Variants in TMEM25 observed in about 807,000 individuals in gnomAD.
TMEM25 encodes the protein transmembrane protein 25, also known as 0610039J01Rik.
TMEM25 carries 36 observed loss-of-function variants against 37.0 expected under a neutral mutation model. The observed-to-expected ratio is 0.97, with a 90% CI of 0.75 to 1.28. The LOEUF is 1.28. Among genes scored for constraint, TMEM25 ranks in the 50% most tolerant of loss-of-function variants. TMEM25 has a pLI of 0.00. For synonymous variants in TMEM25, 197 were observed against 203.7 expected (o/e 0.97, Z 0.28); for missense variants, 444 against 477.9 (o/e 0.93, Z 0.66).
At position 118,534,667 on chromosome 11, in the gene TMEM25, G is replaced by A. The variant is rs1951457654; in HGVS notation, c.*87G>A. The stretch of plus-strand genomic sequence containing the variant: ...TCCTCTACCTAGCTAGGTCACCAAC[G>A]TGAAGAAGTTATGCCACTGCCACTT... On this transcript the variant is annotated 3_prime_UTR_variant, in exon 9 of 9. Transcript: ENST00000313236. The surrounding 1 kb of genome is among the most constrained non-coding windows in gnomAD (Gnocchi z 4.6). 8.9e-6 allele frequency: 14 copies of A among 1,564,548 alleles called. No homozygotes were observed. The highest frequency in any genetic ancestry group is 1.2e-5 in the South Asian group (1 of 85,900).
exon 9 of TMEM25, chr11:118,546,444 T>C (rs782701772): frequency 6.5e-5 from 25 of 385,688 alleles, no homozygotes; most frequent in Middle Eastern, 1.6e-3. Context: ...TGAGCTGAGA[T>C]TGAGCTACTG....
At chr11:118,546,059 T>C (rs1055341728) in intron 8 of TMEM25, 12 of 713,410 alleles carry the variant, frequency 1.7e-5, no homozygotes, top group Non-Finnish European at 3.1e-5. Context: ...AAAGAGATAA[T>C]TAAATTAAAA....
intron 8 of TMEM25, chr11:118,544,910 AGT>A: frequency 6.2e-7 from 1 of 1,602,316 alleles, no homozygotes; most frequent in Non-Finnish European, 8.5e-7. Context: ...CAGCTTGGGA[AGT>A]GTCTCAGCTG....
chr11:118,538,123 T>C (rs191185472), downstream of TMEM25, among the ~76,000 whole-genome samples: 48 of 152,062 alleles, frequency 3.2e-4, no homozygotes, highest in East Asian at 9.3e-3. Flanking sequence ...AATATAAGAG[T>C]ATAAGAGTTC....
At chr11:118,533,377 G>A (rs1951386622) in intron 4 of TMEM25, 43 bp from the exon 5 acceptor site, 1 of 1,610,764 alleles carries the variant, frequency 6.2e-7, no homozygotes, top group South Asian at 1.1e-5. Flanking sequence ...GTTGGGGCTG[G>A]GGCACTACCC....
chr11:118,540,419 A>G (rs1951564066), downstream of TMEM25, among the ~76,000 whole-genome samples: 1 of 152,204 alleles, frequency 6.6e-6, no homozygotes, highest in Non-Finnish European at 1.5e-5. Flanking sequence ...TGCCACTCCA[A>G]AATTTTTCTT....
At chr11:118,545,739 G>C in intron 8 of TMEM25, 4 of 1,554,816 alleles carry the variant, frequency 2.6e-6, no homozygotes, top group Non-Finnish European at 3.6e-6. Flanking sequence ...CTGTCCAAAA[G>C]CCTAGAGTGT....
In TMEM25 at chr11:118,533,569, G is replaced by A. The variant is rs377148352; in HGVS notation, c.805+18G>A. 1.9e-6 allele frequency: 3 copies of A among 1,613,554 alleles called. No individual in the cohort carries two copies. The highest frequency in any genetic ancestry group is 2.5e-6 in the Non-Finnish European group (3 of 1,179,830). ...AACCAAAGGTAGGCCAGGGACACTG[G>A]GGGCAGTGTGGATGAGGTCAGGCTG... On this transcript the variant is annotated intron_variant, in intron 5 of 8. Coordinates refer to ENST00000313236, the MANE Select transcript of TMEM25 (RefSeq NM_032780.4).
intron 1 of TMEM25, 23 bp downstream of exon 1, chr11:118,531,257 G>A: frequency 2.6e-6 from 1 of 381,782 alleles, no homozygotes; most frequent in Non-Finnish European, 4.8e-6. Flanking sequence ...GGTGGCGGGG[G>A]GCGGGGGCGG....
At chr11:118,540,295 C>T (rs1332260682), downstream of TMEM25, among the ~76,000 whole-genome samples, 1 of 151,946 alleles carries the variant, frequency 6.6e-6, no homozygotes, top group African/African-American at 2.4e-5. Flanking sequence ...TGGTTCATGC[C>T]CTTTCCTCCT....
intron 8 of TMEM25, chr11:118,545,906 G>A: frequency 6.7e-7 from 1 of 1,486,908 alleles, no homozygotes. Flanking sequence ...AGTGGTCCCA[G>A]AACCACTCTC....
chr11:118,540,195 C>T (rs141660361), downstream of TMEM25, among the ~76,000 whole-genome samples: 1,941 of 151,702 alleles, frequency 0.013, 51 homozygotes, highest in African/African-American at 0.045. Context: ...CTGCAAGCTC[C>T]GCCTCCCGGG....
intron 8 of TMEM25, chr11:118,545,015 C>T: frequency 6.3e-7 from 1 of 1,599,432 alleles, no homozygotes. Context: ...TAAAATGCTG[C>T]AAGGAAGAGG....
intron 6 of TMEM25, 65 bp from the exon 7 acceptor site, chr11:118,533,964 G>T (rs1555061451): frequency 1.9e-6 from 3 of 1,613,724 alleles, no homozygotes; most frequent in Admixed American, 3.3e-5. Context: ...GGGGTTTCTG[G>T]TAGAGGCAGC....
chr11:118,535,600 G>C lies in TMEM25; in HGVS notation c.*1020G>C. 2 of 1,531,844 alleles carry C rather than the reference G, an allele frequency of 1.3e-6. No individual in the cohort carries two copies. The highest frequency in any genetic ancestry group is 2.4e-5 in the South Asian group (2 of 83,494). 94.9% of individuals were successfully genotyped at this position (1,531,844 alleles called of 1,614,324 possible). A position where few individuals can be genotyped will look rare whatever the true frequency, so the allele number is the denominator to read the frequency against. On this transcript the variant is annotated 3_prime_UTR_variant, in exon 9 of 9. Coordinates refer to ENST00000313236, the MANE Select transcript of TMEM25 (RefSeq NM_032780.4). Reference sequence around the variant, plus strand: ...CCTTCCTGGAGGATGGTCGCCACAGGCACATAATTCAACAGTGTGGAAGCT... The same window carrying C: ...CCTTCCTGGAGGATGGTCGCCACAGCCACATAATTCAACAGTGTGGAAGCT...
chr11:118,544,204 C>T (rs1201936463), intron 8 of TMEM25, among the ~76,000 whole-genome samples: 2 of 152,156 alleles, frequency 1.3e-5, no homozygotes, highest in Non-Finnish European at 2.9e-5. Flanking sequence ...CTGTCCATCT[C>T]TACTACTGCC....
At chr11:118,544,825 G>A in intron 8 of TMEM25, 1 of 896,444 alleles carries the variant, frequency 1.1e-6, no homozygotes, top group Admixed American at 1.9e-5. Context: ...TGTGGCATGG[G>A]CAAGGACATC....
Position 118,533,154 on chromosome 11 carries a change from C to T in TMEM25, c.620C>T (p.Ser207Leu), listed in dbSNP as rs1311879233. 7.8e-5 allele frequency: 126 copies of T among 1,608,102 alleles called. No homozygotes were observed. The highest frequency in any genetic ancestry group is 8.8e-5 in the Non-Finnish European group (104 of 1,179,918). Residue 207 changes from serine (S) to leucine (L), a missense_variant, in exon 4 of 9, where the codon TCG becomes TTG. Coordinates refer to ENST00000313236, the MANE Select transcript of TMEM25 (RefSeq NM_032780.4). ...LQLRSLAHNL[S>L]VVATNDVGVT... ...CTCCGCAGCCTGGCACACAACCTCT[C>T]GGTGGTGGCCACCAATGACGTGGGT...
chr11:118,533,252 C>T (rs1951380713), intron 4 of TMEM25, 45 bp downstream of exon 4: 2 of 1,560,728 alleles, frequency 1.3e-6, no homozygotes, highest in East Asian at 4.5e-5. Context: ...CAGGTGGGCT[C>T]AGGGGTCCCG....
Sources: gnomAD v4.1 joint callset for allele counts (sites outside exome capture counted in the v4.1 genomes callset) on GRCh38, gnomAD v4.1.1 for gene constraint, Gnocchi (gnomAD v3.1) non-coding constraint, MANE v1.5 for transcripts, NCBI Gene and HGNC (gene_info 2026-07-23, HGNC 2026-07-21) for gene names.